EPB41L3: variants seen among roughly 807,000 people sequenced by gnomAD.
EPB41L3 encodes band 4.1-like protein 3.
A neutral mutation model predicts 127.1 loss-of-function variants in EPB41L3; 57 were observed. The ratio of observed to expected loss-of-function variants is 0.45; its 90% CI spans 0.36 to 0.56. EPB41L3 has a LOEUF of 0.56. EPB41L3 is among the 20% of genes least tolerant of loss of function. EPB41L3 has a pLI of 0.00. For synonymous variants in EPB41L3, 572 were observed against 549.5 expected (o/e 1.04, Z -0.57); for missense variants, 1,273 against 1,372.2 (o/e 0.93, Z 1.14).
At position 5,411,846 on chromosome 18, in the gene EPB41L3, C is replaced by T. The variant is rs1040858576; in HGVS notation, c.2068-1227G>A. On this transcript the variant is annotated intron_variant, in intron 13 of 22. Transcript: ENST00000341928. The stretch of plus-strand genomic sequence containing the variant: ...GGCACTAGCCACATGTTTCATGTTA[C>T]GTACTCCTAAAAGAAAGGGAGGCTG... 9.9e-5 allele frequency among the ~76,000 whole-genome samples: 15 copies of T among 152,106 alleles called. No homozygotes were observed. In the South Asian group the frequency reaches 1.0e-3, roughly 10 times the overall value.
chr18:5,505,784 CCCTCCACACCTTCA>C (rs2092134208), intron 1 of EPB41L3, among the ~76,000 whole-genome samples: 3 of 134,274 alleles, frequency 2.2e-5, no homozygotes, highest in South Asian at 5.3e-4. Context: ...TCCACCCCTT[CCCTCCACACCTTCA>C]CCTCCACCCC....
chr18:5,434,032 G>C lies in EPB41L3; in HGVS notation c.695C>G (p.Thr232Ser), dbSNP rs181887485. 3.2e-5 allele frequency: 51 copies of C among 1,614,188 alleles called. No individual in the cohort carries two copies. In the East Asian group the frequency reaches 1.1e-3, roughly 34 times the overall value. ...ATAGTCTCCGAGCTCTGACTGGACA[G>C]TGTAGGAGCCCAGCAAGGCCAGGGT... The part of the protein sequence containing the change: ...FVTLALLGSY[T>S]VQSELGDYDP... The change falls in exon 7 of 23, where the codon ACT becomes AGT. Residue 232 changes from threonine (T) to serine (S), a missense_variant. Physicochemically the swap from Thr to Ser is moderately conservative, Grantham distance 58 (BLOSUM62 1). Transcript: ENST00000341928.
chr18:5,558,295 A>C (rs1351180911), intron 3 of EPB41L3, among the ~76,000 whole-genome samples: 1 of 152,176 alleles, frequency 6.6e-6, no homozygotes, highest in Non-Finnish European at 1.5e-5. Context: ...CTTTTCATCA[A>C]TGCAGAAACA....
chr18:5,623,725 G>A (rs1410611969), intron 1 of EPB41L3, among the ~76,000 whole-genome samples: 2 of 150,280 alleles, frequency 1.3e-5, no homozygotes, highest in Admixed American at 6.6e-5. Flanking sequence ...TTGGCTCACT[G>A]CAACCTCTGC....
upstream of EPB41L3, among the ~76,000 whole-genome samples, chr18:5,545,888 TGTGTGTGTGTG>T (rs1328647833): frequency 6.9e-6 from 1 of 144,910 alleles, no homozygotes; most frequent in Non-Finnish European, 1.5e-5. Flanking sequence ...TGTGTGTGTG[TGTGTGTGTGTG>T]TGTGTGTGTG....
chr18:5,627,537 G>A (rs752245048), intron 1 of EPB41L3, among the ~76,000 whole-genome samples: 4 of 152,202 alleles, frequency 2.6e-5, no homozygotes, highest in Non-Finnish European at 4.4e-5. Context: ...CACAACTCAT[G>A]AGGACCAGTG....
At chr18:5,484,101 A>C (rs912276596) in intron 2 of EPB41L3, among the ~76,000 whole-genome samples, 40 of 134,530 alleles carry the variant, frequency 3.0e-4, no homozygotes, top group Non-Finnish European at 4.2e-4. Context: ...AAAAAAAAAA[A>C]AAAAAAAAAA....
rs2073044428 is a variant in EPB41L3 at position 5,394,707 on chromosome 18, G to T, written c.3240C>A (p.Ile1080=). The change falls in exon 22 of 23, where the codon ATC becomes ATA. Residue 1080 remains isoleucine (I), a synonymous_variant. Coordinates refer to ENST00000341928, the MANE Select transcript of EPB41L3 (RefSeq NM_012307.5). ...GTCAATCCTCTCCATCTTCTGGTGTGATCTCTGTCTCTTTATGGACCACTA... is the reference window on the plus strand; with the variant it reads ...GTCAATCCTCTCCATCTTCTGGTGTTATCTCTGTCTCTTTATGGACCACTA... ...TKVVVHKETE[I]TPEDGED 6.2e-7 allele frequency: 1 copy of T among 1,613,994 alleles called. No individual in the cohort carries two copies. The highest frequency in any genetic ancestry group is 8.5e-7 in the Non-Finnish European group (1 of 1,179,996).
intron 1 of EPB41L3, among the ~76,000 whole-genome samples, chr18:5,533,811 T>C (rs1336497671): frequency 6.6e-6 from 1 of 151,990 alleles, no homozygotes; most frequent in East Asian, 1.9e-4. Flanking sequence ...TTATCCTACT[T>C]CCTTAACCTT....
At chr18:5,462,067 T>C (rs996095608) in intron 3 of EPB41L3, among the ~76,000 whole-genome samples, 1 of 152,066 alleles carries the variant, frequency 6.6e-6, no homozygotes, top group African/African-American at 2.4e-5. Flanking sequence ...ACTTAAAGGG[T>C]TTATTTTTTT....
intron 1 of EPB41L3, among the ~76,000 whole-genome samples, chr18:5,527,020 A>C (rs1251867388): frequency 2.6e-5 from 4 of 152,162 alleles, no homozygotes; most frequent in Non-Finnish European, 4.4e-5. Flanking sequence ...TAAAAAAAAA[A>C]AAAAAACTGT....
chr18:5,568,062 G>A (rs1419020880), intron 3 of EPB41L3, among the ~76,000 whole-genome samples: 2 of 152,016 alleles, frequency 1.3e-5, no homozygotes, highest in Admixed American at 1.3e-4. Flanking sequence ...AGTTTATGTA[G>A]GAAAAGAAAT....
intron 3 of EPB41L3, among the ~76,000 whole-genome samples, chr18:5,447,524 T>G (rs976429729): frequency 3.3e-5 from 5 of 149,632 alleles, no homozygotes; most frequent in African/African-American, 1.2e-4. Context: ...GGCCAAATAC[T>G]TTCTCTATGT....
Position 5,449,792 on chromosome 18 carries a change from CT to C in EPB41L3, c.382-4549del, listed in dbSNP as rs143715504. Among the ~76,000 whole-genome samples, 478 of 152,290 alleles carry C rather than the reference CT, an allele frequency of 3.1e-3. 2 individuals are homozygous for C. Among genetic ancestry groups the C allele is most frequent in the African/African-American group, 0.011 (452 of 41,564 alleles). ...CATGGGATTTTACGTTCCAAGGCCC[CT>C]AATGGATGCCTAAAACCACAGATAG... On this transcript the variant is annotated intron_variant, in intron 3 of 22. Coordinates refer to ENST00000341928, the MANE Select transcript of EPB41L3 (RefSeq NM_012307.5).
At chr18:5,470,048 G>C (rs967496345) in intron 3 of EPB41L3, among the ~76,000 whole-genome samples, 2 of 152,110 alleles carry the variant, frequency 1.3e-5, no homozygotes, top group Non-Finnish European at 2.9e-5. Flanking sequence ...AAAGTGCTGG[G>C]ATTATAGACG....
chr18:5,427,788 C>A (rs555038851), intron 9 of EPB41L3, among the ~76,000 whole-genome samples: 87 of 151,900 alleles, frequency 5.7e-4, no homozygotes, highest in Non-Finnish European at 9.0e-4. Context: ...CTCTGTTGCT[C>A]AGGCTGGAGT....
At chr18:5,503,896 TG>T (rs1464516263) in intron 1 of EPB41L3, among the ~76,000 whole-genome samples, 1 of 152,224 alleles carries the variant, frequency 6.6e-6, no homozygotes, top group African/African-American at 2.4e-5. Context: ...TATTTCACAA[TG>T]GAGATATTTT....
intron 3 of EPB41L3, among the ~76,000 whole-genome samples, chr18:5,611,748 T>C (rs1255844725): frequency 1.3e-5 from 2 of 151,938 alleles, no homozygotes; most frequent in African/African-American, 2.4e-5. Flanking sequence ...AGCAACATAG[T>C]GAGACACTGT....
chr18:5,416,428 A>C, intron 12 of EPB41L3, 50 bp from the exon 13 acceptor site: 5 of 1,517,134 alleles, frequency 3.3e-6, no homozygotes, highest in Non-Finnish European at 4.4e-6. Context: ...CAGAGGTGCA[A>C]AAGGACAAAA....
Sources: allele counts gnomAD v4.1 joint callset (sites outside exome capture counted in the v4.1 genomes callset), GRCh38; gene constraint gnomAD v4.1.1; transcripts MANE v1.5; gene names NCBI Gene and HGNC (gene_info 2026-07-23, HGNC 2026-07-21).